Variants in RAB28 observed in about 807,000 individuals in gnomAD.
RAB28 encodes the protein ras-related protein Rab-28.
In RAB28, 24 loss-of-function variants were observed where a neutral mutation model predicts 31.7. The observed-to-expected ratio is 0.76, with a 90% CI of 0.55 to 1.06. RAB28 has a LOEUF of 1.06. Among genes scored for constraint, RAB28 ranks in the 50% least tolerant of loss-of-function variants. The pLI is 0.00. For missense variants in RAB28, 254 were observed against 258.5 expected (o/e 0.98, Z 0.12); for synonymous variants, 100 against 90.4 (o/e 1.11, Z -0.60).
intron 1 of RAB28, among the ~76,000 whole-genome samples, chr4:13,483,478 T>A (rs898584064): frequency 6.6e-6 from 1 of 152,240 alleles, no homozygotes; most frequent in African/African-American, 2.4e-5. Flanking sequence ...GAGTGGACAC[T>A]GTGCTCTAAA....
intron 6 of RAB28, among the ~76,000 whole-genome samples, chr4:13,373,896 T>A (rs542725076): frequency 6.6e-5 from 10 of 151,996 alleles, no homozygotes; most frequent in Admixed American, 1.3e-4. Flanking sequence ...CAGTAATCTT[T>A]CAAATGTCGC....
At position 13,484,335 on chromosome 4, in the gene RAB28, C is replaced by A; in HGVS notation, c.-185G>T. On this transcript the variant is annotated 5_prime_UTR_variant, in exon 1 of 7. The change creates a new upstream start codon in the 5' untranslated region. Coordinates refer to ENST00000330852, the MANE Select transcript of RAB28 (RefSeq NM_001017979.3). Reference sequence around the variant, plus strand: ...GCGCCATCTTGCCCACCTCCCCGCCCTCTGCGCGCGGCCCCGCCCCCTACG... The same window carrying A: ...GCGCCATCTTGCCCACCTCCCCGCCATCTGCGCGCGGCCCCGCCCCCTACG... The A allele has an allele frequency of 1.8e-6, 1 of 565,474 alleles. No homozygotes were observed. The allele number at this position is 565,474 out of a possible 1,614,324, so 35.0% of individuals were successfully genotyped here.
intron 4 of RAB28, among the ~76,000 whole-genome samples, chr4:13,389,655 T>G (rs10939477): frequency 1.3e-5 from 2 of 152,112 alleles, no homozygotes; most frequent in Admixed American, 1.3e-4. Flanking sequence ...CTCAGATTAT[T>G]TGAAGGCAAA....
chr4:13,384,313 C>T (rs1729266782), intron 4 of RAB28, among the ~76,000 whole-genome samples: 1 of 152,196 alleles, frequency 6.6e-6, no homozygotes, highest in African/African-American at 2.4e-5. Flanking sequence ...CTGTGAATGC[C>T]TGCAGGGAGG....
chr4:13,467,928 T>C (rs1577243035), intron 3 of RAB28, among the ~76,000 whole-genome samples: 1 of 151,824 alleles, frequency 6.6e-6, no homozygotes, highest in African/African-American at 2.4e-5. Context: ...AGTAAAGGGA[T>C]AGAAAAATAG....
intron 4 of RAB28, among the ~76,000 whole-genome samples, chr4:13,413,629 A>G (rs1254656505): frequency 1.3e-5 from 2 of 152,218 alleles, no homozygotes; most frequent in Admixed American, 1.3e-4. Context: ...AGAGAAAATG[A>G]ATGTTTTAAA....
intron 3 of RAB28, among the ~76,000 whole-genome samples, chr4:13,468,015 T>C (rs1398409460): frequency 6.6e-6 from 1 of 151,822 alleles, no homozygotes; most frequent in East Asian, 1.9e-4. Context: ...TAAGGAAAAT[T>C]AACAAGTTTA....
chr4:13,477,152 T>G (rs1365141990), intron 2 of RAB28, among the ~76,000 whole-genome samples: 2 of 151,586 alleles, frequency 1.3e-5, no homozygotes, highest in Non-Finnish European at 3.0e-5. Flanking sequence ...AGAAGCTCTA[T>G]CAGCAGAATC....
At chr4:13,402,605 C>A (rs1711835607) in intron 4 of RAB28, among the ~76,000 whole-genome samples, 1 of 152,082 alleles carries the variant, frequency 6.6e-6, no homozygotes. Context: ...TATTTCTAAG[C>A]TACCTGTATC....
chr4:13,471,615 T>C (rs1036759749), intron 3 of RAB28, among the ~76,000 whole-genome samples: 2 of 151,952 alleles, frequency 1.3e-5, no homozygotes, highest in African/African-American at 2.4e-5. Context: ...GATCCTCCCA[T>C]ATCAGTCTCT....
At chr4:13,435,883 C>T (rs552705867) in intron 4 of RAB28, among the ~76,000 whole-genome samples, 3 of 152,042 alleles carry the variant, frequency 2.0e-5, no homozygotes, top group Non-Finnish European at 2.9e-5. Context: ...AAATCAGTAT[C>T]GTCCTGATAA....
chr4:13,371,228 T>C (rs928708372), intron 6 of RAB28: 15 of 985,268 alleles, frequency 1.5e-5, no homozygotes, highest in Non-Finnish European at 1.8e-5. Context: ...ACAAGACTCA[T>C]GATTTACTAG....
chr4:13,368,130 A>T lies in RAB28; in HGVS notation c.*428T>A. On this transcript the variant is annotated 3_prime_UTR_variant, in exon 7 of 7. Transcript: ENST00000330852. The stretch of plus-strand genomic sequence containing the variant: ...TGTAGGTAAAATATATTACTTGCTT[A>T]ATGTTTGCACTCTGAAGTATACTTT... 2 of 984,932 alleles carry T rather than the reference A, an allele frequency of 2.0e-6. No homozygotes were observed. Among genetic ancestry groups the T allele is most frequent in the Non-Finnish European group, 2.4e-6 (2 of 829,408 alleles). 61.0% of individuals were successfully genotyped at this position (984,932 alleles called of 1,614,324 possible). A position where few individuals can be genotyped will look rare whatever the true frequency, so the allele number is the denominator to read the frequency against.
At chr4:13,371,266 G>A (rs1728702015) in intron 6 of RAB28, 1 of 985,200 alleles carries the variant, frequency 1.0e-6, no homozygotes, top group Non-Finnish European at 1.2e-6. Context: ...ATCAACAGAA[G>A]CATTACCAAC....
intron 4 of RAB28, among the ~76,000 whole-genome samples, chr4:13,393,898 A>C (rs1161621921): frequency 6.6e-6 from 1 of 151,974 alleles, no homozygotes; most frequent in African/African-American, 2.4e-5. Flanking sequence ...TCTTTAAAAG[A>C]AGTAAAACAA....
At chr4:13,411,537 A>T (rs1712440992) in intron 4 of RAB28, among the ~76,000 whole-genome samples, 1 of 152,192 alleles carries the variant, frequency 6.6e-6, no homozygotes, top group Non-Finnish European at 1.5e-5. Flanking sequence ...GTACAAGCAT[A>T]CTTGTGTTAT....
chr4:13,460,261 C>T (rs1354995673), intron 4 of RAB28, among the ~76,000 whole-genome samples: 3 of 152,188 alleles, frequency 2.0e-5, no homozygotes, highest in South Asian at 4.1e-4. Context: ...AAGGTACTGA[C>T]GGATTCAGTA....
intron 4 of RAB28, among the ~76,000 whole-genome samples, chr4:13,456,321 A>G (rs1715296030): frequency 1.3e-5 from 2 of 152,218 alleles, no homozygotes; most frequent in African/African-American, 4.8e-5. Flanking sequence ...AGCTCTACTA[A>G]TTTGCAATTT....
chr4:13,457,355 A>T (rs1715353405), intron 4 of RAB28, among the ~76,000 whole-genome samples: 1 of 152,222 alleles, frequency 6.6e-6, no homozygotes, highest in Non-Finnish European at 1.5e-5. Flanking sequence ...ATTAAAATAT[A>T]TTCAGGAGAC....
Sources: gnomAD v4.1 joint callset for allele counts (sites outside exome capture counted in the v4.1 genomes callset) on GRCh38, gnomAD v4.1.1 for gene constraint, MANE v1.5 for transcripts, NCBI Gene and HGNC (gene_info 2026-07-23, HGNC 2026-07-21) for gene names.